ANXA8: variants seen among roughly 807,000 people sequenced by gnomAD.
ANXA8 encodes VAC-beta.
ANXA8 carries 9 observed loss-of-function variants against 26.8 expected under a neutral mutation model. The ratio of observed to expected loss-of-function variants is 0.34; its 90% CI spans 0.20 to 0.59. The LOEUF (loss-of-function observed/expected upper bound fraction) is 0.59, where lower values mean the gene tolerates loss of function less well. Among genes scored for constraint, ANXA8 ranks in the 20% least tolerant of loss-of-function variants. The pLI is 0.84. For synonymous variants in ANXA8, 39 were observed against 94.8 expected (o/e 0.41, Z 3.42); for missense variants, 83 against 238.5 (o/e 0.35, Z 4.29).
chr10:47,922,712 A>G, the ANXA8 span: 1 of 1,613,038 alleles, frequency 6.2e-7, no homozygotes, highest in Non-Finnish European at 8.5e-7. Flanking sequence ...CGGCGCCTGC[A>G]GAGGCAGGGG....
At chr10:47,568,576 GTAT>G in the ANXA8 span, among the ~76,000 whole-genome samples, 50 of 17,708 alleles carry the variant, frequency 2.8e-3, 12 homozygotes, top group Non-Finnish European at 4.4e-3. Flanking sequence ...TTTGCTTTTT[GTAT>G]TATTATTTTC....
chr10:47,581,037 C>T, the ANXA8 span, among the ~76,000 whole-genome samples: 12 of 150,388 alleles, frequency 8.0e-5, no homozygotes, highest in East Asian at 7.7e-4. Context: ...GATCACGCCG[C>T]TGCACTCAAC....
the ANXA8 span, among the ~76,000 whole-genome samples, chr10:47,546,396 A>AT: frequency 0.011 from 640 of 59,566 alleles, 29 homozygotes; most frequent in African/African-American, 0.016. Context: ...GATAAGACCA[A>AT]TTTTTTTTTT....
At chr10:47,692,976 C>A in the ANXA8 span, among the ~76,000 whole-genome samples, 1 of 151,634 alleles carries the variant, frequency 6.6e-6, no homozygotes, top group South Asian at 2.1e-4. Context: ...CTCAGGTGAT[C>A]CGCCCACCTC....
At chr10:47,623,375 A>AT in the ANXA8 span, among the ~76,000 whole-genome samples, 12 of 112,812 alleles carry the variant, frequency 1.1e-4, 3 homozygotes, top group Non-Finnish European at 2.1e-4. Context: ...ACTTTAAAAA[A>AT]ATATATCATC....
At chr10:47,650,079 G>A in the ANXA8 span, among the ~76,000 whole-genome samples, 9 of 148,540 alleles carry the variant, frequency 6.1e-5, no homozygotes, top group South Asian at 2.1e-4. Context: ...ATGGTGGCAC[G>A]CGCCTGTAAT....
the ANXA8 span, chr10:47,973,064 T>G: frequency 2.1e-5 from 3 of 143,084 alleles, no homozygotes; most frequent in Non-Finnish European, 3.1e-5. Context: ...CATTGTAGGA[T>G]CATGCATGCA....
the ANXA8 span, among the ~76,000 whole-genome samples, chr10:47,948,054 A>G: frequency 1.3e-5 from 2 of 150,254 alleles, no homozygotes; most frequent in African/African-American, 5.0e-5. Flanking sequence ...GGAGGAGTAA[A>G]GAAGCCCTAA....
the ANXA8 span, among the ~76,000 whole-genome samples, chr10:47,660,424 A>G: frequency 1.3e-5 from 2 of 151,210 alleles, no homozygotes; most frequent in Non-Finnish European, 2.9e-5. Context: ...TTAAATTGAG[A>G]CAGTCTCGTC....
chr10:47,733,211 T>TTC, the ANXA8 span, among the ~76,000 whole-genome samples: 196 of 82,206 alleles, frequency 2.4e-3, no homozygotes, highest in African/African-American at 6.6e-3. Context: ...CTTTCTTTCT[T>TTC]TCTTTCTTTC....
chr10:47,771,513 A>G, the ANXA8 span, among the ~76,000 whole-genome samples: 1 of 151,792 alleles, frequency 6.6e-6, no homozygotes, highest in African/African-American at 2.4e-5. Context: ...ACATTGTTTT[A>G]TTCATTCATT....
the ANXA8 span, among the ~76,000 whole-genome samples, chr10:47,584,905 T>C: frequency 2.8e-5 from 4 of 142,554 alleles, no homozygotes; most frequent in Non-Finnish European, 4.5e-5. Flanking sequence ...CTGGCCAACA[T>C]GGCGAAACCC....
chr10:47,658,379 C>A, the ANXA8 span, among the ~76,000 whole-genome samples: 1 of 145,268 alleles, frequency 6.9e-6, no homozygotes. Context: ...GTGCAAGACT[C>A]TGTCTCAAAA....
the ANXA8 span, among the ~76,000 whole-genome samples, chr10:47,755,276 G>A: frequency 6.9e-6 from 1 of 144,402 alleles, no homozygotes; most frequent in Non-Finnish European, 1.5e-5. Flanking sequence ...TTTTTTTTGA[G>A]ACGAAGTCTC....
intron 11 of ANXA8, 130 bp from the exon 12 acceptor site, chr10:47,469,036 C>A (rs1422947851): frequency 5.9e-6 from 8 of 1,350,060 alleles, no homozygotes; most frequent in Non-Finnish European, 7.2e-6. Flanking sequence ...GGGTTCCTAG[C>A]CGCAGGGGTT....
chr10:47,533,218 CACA>C, the ANXA8 span, among the ~76,000 whole-genome samples: 4 of 112,248 alleles, frequency 3.6e-5, no homozygotes, highest in African/African-American at 1.3e-4. Flanking sequence ...CACACACACA[CACA>C]CACCCCCGCA....
chr10:47,676,735 T>C, the ANXA8 span, among the ~76,000 whole-genome samples: 6 of 151,034 alleles, frequency 4.0e-5, no homozygotes, highest in Non-Finnish European at 7.4e-5. Context: ...CTGGCCAACA[T>C]GGTGAAACTG....
chr10:47,491,819 G>A, the ANXA8 span: 2 of 688,028 alleles, frequency 2.9e-6, no homozygotes, highest in South Asian at 3.7e-5. Flanking sequence ...GTCAGTGAGG[G>A]CGGCAGCAGG....
the ANXA8 span, among the ~76,000 whole-genome samples, chr10:47,611,704 T>C: frequency 1.3e-5 from 1 of 75,166 alleles, no homozygotes; most frequent in South Asian, 6.9e-4. Context: ...AGCCAGTTTT[T>C]TCTCTGAGCC....
Sources: allele counts gnomAD v4.1 joint callset (sites outside exome capture counted in the v4.1 genomes callset), GRCh38; gene constraint gnomAD v4.1.1; transcripts MANE v1.5; gene names NCBI Gene and HGNC (gene_info 2026-07-23, HGNC 2026-07-21).